The following CACNB4 variants were observed in gnomAD, a reference collection of about 807,000 sequenced individuals.
The protein encoded by CACNB4 is voltage-dependent L-type calcium channel subunit beta-4.
In CACNB4, 32 loss-of-function variants were observed where a neutral mutation model predicts 71.2. The observed-to-expected ratio is 0.45, with a 90% CI of 0.34 to 0.60. CACNB4 has a LOEUF of 0.60. Ranked by LOEUF, CACNB4 falls within the 20% of genes least tolerant of loss-of-function variation. The pLI is 0.01. For missense variants in CACNB4, 464 were observed against 647.9 expected (o/e 0.72, Z 3.08); for synonymous variants, 231 against 236.9 (o/e 0.97, Z 0.23).
intron 2 of CACNB4, among the ~76,000 whole-genome samples, chr2:151,884,991 T>C (rs2099848995): frequency 6.6e-6 from 1 of 152,220 alleles, no homozygotes. Flanking sequence ...ATCTGGTCCT[T>C]TGAAAGTTTT....
intron 2 of CACNB4, among the ~76,000 whole-genome samples, chr2:151,893,725 T>C (rs982029928): frequency 6.6e-6 from 1 of 152,076 alleles, no homozygotes; most frequent in African/African-American, 2.4e-5. Flanking sequence ...AAGAAAAGAT[T>C]GATAAATCTG....
intron 2 of CACNB4, among the ~76,000 whole-genome samples, chr2:152,071,549 A>G (rs1335421302): frequency 6.6e-6 from 1 of 152,216 alleles, no homozygotes; most frequent in South Asian, 2.1e-4. Context: ...GGTTATGCCA[A>G]TTTTTAGGGA....
rs1362319233 is a variant in CACNB4 at position 151,832,941 on chromosome 2, T to A, written c.*6178A>T. The stretch of plus-strand genomic sequence containing the variant: ...CAAAAATAACACCACGTTTTTTTCT[T>A]TAAAGCCACTAAAGCAGAGGGAGAA... On this transcript the variant is annotated 3_prime_UTR_variant, in exon 14 of 14. Transcript: ENST00000539935. 1 of 152,192 alleles carries A rather than the reference T, an allele frequency of 6.6e-6. No homozygotes were observed. Among genetic ancestry groups the A allele is most frequent in the Non-Finnish European group, 1.5e-5 (1 of 68,018 alleles). The allele number at this position is 152,192 out of a possible 1,614,324, so 9.4% of individuals were successfully genotyped here.
At chr2:152,006,401 CTTTTTTTTT>C (rs60046879) in intron 2 of CACNB4, among the ~76,000 whole-genome samples, 6 of 138,554 alleles carry the variant, frequency 4.3e-5, no homozygotes, top group Admixed American at 7.4e-5. Context: ...TCTTTTCTTT[CTTTTTTTTT>C]TTTTTTCTTT....
chr2:152,014,812 G>C (rs1176520223), intron 2 of CACNB4, among the ~76,000 whole-genome samples: 1 of 151,884 alleles, frequency 6.6e-6, no homozygotes, highest in Admixed American at 6.6e-5. Flanking sequence ...TTCATTTCTT[G>C]TAAGTTTTGT....
rs182245528 is a variant in CACNB4, at chr2:151,977,658, G to A, written c.148-94288C>T. On this transcript the variant is annotated intron_variant, in intron 2 of 13. Coordinates refer to ENST00000539935, the MANE Select transcript of CACNB4 (RefSeq NM_000726.5). Reference sequence around the variant, plus strand: ...TTAGCTATGAGATTTAAATAGCCATGATCAAGACAAACTGGTGCAGATTTA... The same window carrying A: ...TTAGCTATGAGATTTAAATAGCCATAATCAAGACAAACTGGTGCAGATTTA... Among the ~76,000 whole-genome samples, 223 of 152,314 alleles carry A rather than the reference G, an allele frequency of 1.5e-3. 3 individuals carry two copies. Among genetic ancestry groups the A allele is most frequent in the Non-Finnish European group, 1.8e-4 (12 of 68,024 alleles).
At chr2:152,033,204 G>A (rs1212640419) in intron 2 of CACNB4, among the ~76,000 whole-genome samples, 1 of 152,180 alleles carries the variant, frequency 6.6e-6, no homozygotes, top group African/African-American at 2.4e-5. Flanking sequence ...AGCGGGGTGG[G>A]GGAATGAGGA....
At chr2:151,863,613 A>G (rs143931456) in intron 9 of CACNB4, among the ~76,000 whole-genome samples, 136 of 152,286 alleles carry the variant, frequency 8.9e-4, no homozygotes, top group African/African-American at 3.2e-3. Flanking sequence ...TTCTATACAA[A>G]CAAGAGACTC....
intron 2 of CACNB4, among the ~76,000 whole-genome samples, chr2:152,092,911 G>T (rs1321497981): frequency 6.6e-6 from 1 of 151,898 alleles, no homozygotes; most frequent in Non-Finnish European, 1.5e-5. Context: ...CACAGTAAGA[G>T]ATTAATAACA....
intron 2 of CACNB4, among the ~76,000 whole-genome samples, chr2:152,037,720 G>A (rs931961102): frequency 6.6e-6 from 1 of 152,226 alleles, no homozygotes; most frequent in Non-Finnish European, 1.5e-5. Flanking sequence ...ATGGGAGGGA[G>A]AGAAAGAAAT....
In CACNB4 at chr2:151,905,595, C is replaced by A. The variant is rs143028882; in HGVS notation, c.148-22225G>T. ...GTACCTGGCAATATAAAGTAGGGAT[C>A]AGGTTCCGTTTATTTACTCTTTCAA... On this transcript the variant is annotated intron_variant, in intron 2 of 13. Coordinates refer to ENST00000539935, the MANE Select transcript of CACNB4 (RefSeq NM_000726.5). Among the ~76,000 whole-genome samples the A allele has an allele frequency of 4.1e-3, 621 of 152,308 alleles. 4 individuals carry two copies. Among genetic ancestry groups the A allele is most frequent in the African/African-American group, 0.014 (583 of 41,562 alleles).
intron 2 of CACNB4, among the ~76,000 whole-genome samples, chr2:152,090,078 T>C (rs935238933): frequency 2.6e-5 from 4 of 152,174 alleles, no homozygotes; most frequent in Non-Finnish European, 4.4e-5. Context: ...GCTTCAGAAA[T>C]GAGACCAAAA....
chr2:151,966,696 T>G (rs979569592), intron 2 of CACNB4, among the ~76,000 whole-genome samples: 1 of 152,178 alleles, frequency 6.6e-6, no homozygotes, highest in African/African-American at 2.4e-5. Flanking sequence ...ACTATAAGAT[T>G]GTTGGAAATC....
chr2:151,907,957 G>T (rs1176451832), intron 2 of CACNB4, among the ~76,000 whole-genome samples: 1 of 152,232 alleles, frequency 6.6e-6, no homozygotes, highest in Non-Finnish European at 1.5e-5. Context: ...AGCATCCTGA[G>T]TTGGTGTTTC....
intron 2 of CACNB4, among the ~76,000 whole-genome samples, chr2:151,992,689 T>C (rs1167166380): frequency 6.6e-6 from 1 of 152,196 alleles, no homozygotes; most frequent in Non-Finnish European, 1.5e-5. Context: ...CTGGGAAAGC[T>C]ACAAGCTAGC....
chr2:152,057,070 T>C (rs1340594283), intron 2 of CACNB4, among the ~76,000 whole-genome samples: 1 of 152,112 alleles, frequency 6.6e-6, no homozygotes. Flanking sequence ...CCCTAATCAA[T>C]ACAAAAGATA....
chr2:151,897,906 T>C (rs1436647228), intron 2 of CACNB4, among the ~76,000 whole-genome samples: 1 of 152,226 alleles, frequency 6.6e-6, no homozygotes, highest in Non-Finnish European at 1.5e-5. Context: ...CTTCAGTATA[T>C]GGAATTGTCC....
intron 2 of CACNB4, among the ~76,000 whole-genome samples, chr2:152,064,328 T>C (rs528553490): frequency 1.3e-5 from 2 of 152,210 alleles, no homozygotes; most frequent in Non-Finnish European, 2.9e-5. Context: ...CAAATCTATA[T>C]TTTATTCTTT....
chr2:152,085,861 G>A (rs988729126), intron 2 of CACNB4, among the ~76,000 whole-genome samples: 1 of 147,780 alleles, frequency 6.8e-6, no homozygotes, highest in Non-Finnish European at 1.5e-5. Flanking sequence ...TGTACTGAAT[G>A]CTACTGCACC....
Sources: gnomAD v4.1 joint callset for allele counts (sites outside exome capture counted in the v4.1 genomes callset) on GRCh38, gnomAD v4.1.1 for gene constraint, MANE v1.5 for transcripts, NCBI Gene and HGNC (gene_info 2026-07-23, HGNC 2026-07-21) for gene names.